The following LOC128462377 variants were observed in gnomAD, a reference collection of about 807,000 sequenced individuals.
the LOC128462377 span, among the ~76,000 whole-genome samples, chr16:89,393,409 T>C: frequency 6.6e-6 from 1 of 151,166 alleles, no homozygotes; most frequent in Non-Finnish European, 1.5e-5. Flanking sequence ...CTGCAACCTC[T>C]GCCTCCTGAG....
the LOC128462377 span, among the ~76,000 whole-genome samples, chr16:89,318,637 C>A: frequency 6.6e-6 from 1 of 152,366 alleles, no homozygotes; most frequent in Non-Finnish European, 1.5e-5. Flanking sequence ...TTGCATGCCA[C>A]CTGCCCCTGG....
chr16:89,377,560 G>C, the LOC128462377 span, among the ~76,000 whole-genome samples: 1 of 152,140 alleles, frequency 6.6e-6, no homozygotes, highest in African/African-American at 2.4e-5. Context: ...AGAGAAATTA[G>C]AAGACAACCT....
chr16:89,326,412 C>A, the LOC128462377 span, among the ~76,000 whole-genome samples: 2 of 151,514 alleles, frequency 1.3e-5, no homozygotes, highest in Non-Finnish European at 2.9e-5. Flanking sequence ...GTGCACACCA[C>A]TCAGCAACCA....
At chr16:89,321,513 C>A in the LOC128462377 span, among the ~76,000 whole-genome samples, 1 of 152,008 alleles carries the variant, frequency 6.6e-6, no homozygotes, top group African/African-American at 2.4e-5. Context: ...GCAGGGGCTG[C>A]CCAGGAGCAC....
the LOC128462377 span, chr16:89,373,474 C>T: frequency 6.6e-6 from 1 of 152,388 alleles, no homozygotes; most frequent in African/African-American, 2.4e-5. Flanking sequence ...GCTGCTCCTT[C>T]GAGCCGTGCA....
the LOC128462377 span, among the ~76,000 whole-genome samples, chr16:89,366,170 T>G: frequency 2.0e-5 from 3 of 151,954 alleles, no homozygotes; most frequent in Non-Finnish European, 4.4e-5. Flanking sequence ...CTCATTCTTT[T>G]TCATGGCTGC....
chr16:89,376,927 C>A, the LOC128462377 span, among the ~76,000 whole-genome samples: 1,297 of 152,294 alleles, frequency 8.5e-3, 39 homozygotes, highest in East Asian at 0.034. Flanking sequence ...TATAAAGCTG[C>A]CTACCTCAGA....
At chr16:89,418,255 A>C in the LOC128462377 span, 6 of 452,346 alleles carry the variant, frequency 1.3e-5, no homozygotes, top group Non-Finnish European at 2.7e-5. Context: ...CAAAAACATA[A>C]ATTGATAGAG....
At chr16:89,368,371 G>GTT in the LOC128462377 span, among the ~76,000 whole-genome samples, 158 of 56,578 alleles carry the variant, frequency 2.8e-3, 5 homozygotes, top group Admixed American at 3.3e-3. Context: ...TAATTTTTGT[G>GTT]TTTTTTTTTT....
the LOC128462377 span, among the ~76,000 whole-genome samples, chr16:89,369,647 G>A: frequency 0.03 from 4,538 of 152,284 alleles, 163 homozygotes; most frequent in African/African-American, 0.078. Flanking sequence ...AACCAGGGGG[G>A]TCCTTGTGGT....
the LOC128462377 span, among the ~76,000 whole-genome samples, chr16:89,319,467 G>C: frequency 6.6e-6 from 1 of 152,226 alleles, no homozygotes; most frequent in Non-Finnish European, 1.5e-5. Context: ...CCAGGTGTAC[G>C]CTGTGTTTTC....
At chr16:89,335,192 G>A in the LOC128462377 span, among the ~76,000 whole-genome samples, 10 of 152,146 alleles carry the variant, frequency 6.6e-5, no homozygotes, top group Non-Finnish European at 4.4e-5. Context: ...AGCTCAGTGC[G>A]TGCCTTCCCC....
the LOC128462377 span, among the ~76,000 whole-genome samples, chr16:89,351,623 G>T: frequency 6.6e-6 from 1 of 152,170 alleles, no homozygotes; most frequent in African/African-American, 2.4e-5. Context: ...ATGCTGCTGT[G>T]GGCACTGCAG....
At chr16:89,405,242 C>G in the LOC128462377 span, among the ~76,000 whole-genome samples, 1 of 152,130 alleles carries the variant, frequency 6.6e-6, no homozygotes, top group Admixed American at 6.6e-5. Flanking sequence ...ACCACATATG[C>G]GGTCTGTTGT....
the LOC128462377 span, among the ~76,000 whole-genome samples, chr16:89,364,394 G>A: frequency 6.6e-6 from 1 of 152,286 alleles, no homozygotes; most frequent in East Asian, 1.9e-4. Flanking sequence ...CACCGCAATA[G>A]GTAACTGAAA....
At chr16:89,399,870 T>C in the LOC128462377 span, among the ~76,000 whole-genome samples, 1 of 152,160 alleles carries the variant, frequency 6.6e-6, no homozygotes, top group African/African-American at 2.4e-5. Context: ...AGGGCTTGGA[T>C]TCACACAGCA....
chr16:89,414,830 G>A, the LOC128462377 span, among the ~76,000 whole-genome samples: 1 of 152,176 alleles, frequency 6.6e-6, no homozygotes, highest in Non-Finnish European at 1.5e-5. Context: ...ACCGTGTACT[G>A]AAGAAGCGAC....
At chr16:89,399,378 G>A in the LOC128462377 span, among the ~76,000 whole-genome samples, 2 of 152,188 alleles carry the variant, frequency 1.3e-5, no homozygotes, top group South Asian at 2.1e-4. Flanking sequence ...GACCATAGAC[G>A]CATGCTGCTG....
the LOC128462377 span, among the ~76,000 whole-genome samples, chr16:89,399,172 C>A: frequency 6.6e-6 from 1 of 152,132 alleles, no homozygotes; most frequent in Admixed American, 6.5e-5. Flanking sequence ...CGCAAGGACA[C>A]CTCCTCATCA....
Sources: gnomAD v4.1 joint callset for allele counts (sites outside exome capture counted in the v4.1 genomes callset) on GRCh38, gnomAD v4.1.1 for gene constraint, MANE v1.5 for transcripts.